TTLL5: variants seen among roughly 807,000 people sequenced by gnomAD.
TTLL5 encodes tubulin tyrosine ligase like 5, also known as tubulin polyglutamylase TTLL5.
Under a neutral mutation model 168.4 loss-of-function variants are expected in TTLL5, and 132 were observed. The observed-to-expected ratio is 0.78, with a 90% CI of 0.68 to 0.91. The LOEUF is 0.91. TTLL5 is among the 40% of genes least tolerant of loss of function. The pLI, the probability that TTLL5 is intolerant of heterozygous loss-of-function variation, is 0.00. For synonymous variants in TTLL5, 546 were observed against 558.6 expected (o/e 0.98, Z 0.32); for missense variants, 1,545 against 1,581.5 (o/e 0.98, Z 0.39).
At chr14:75,800,578 G>A (rs1893242073) in intron 27 of TTLL5, among the ~76,000 whole-genome samples, 1 of 152,096 alleles carries the variant, frequency 6.6e-6, no homozygotes. Context: ...TGTTTTTCCG[G>A]TTCCTTCTCA....
intron 28 of TTLL5, among the ~76,000 whole-genome samples, chr14:75,830,225 G>GAAAAAC (rs769798544): frequency 1.3e-5 from 2 of 152,076 alleles, no homozygotes; most frequent in Non-Finnish European, 1.5e-5. Flanking sequence ...ACCACAATGT[G>GAAAAAC]AAAAACAAAA....
chr14:75,661,938 G>A (rs1195008272), intron 1 of TTLL5, among the ~76,000 whole-genome samples: 5 of 152,100 alleles, frequency 3.3e-5, no homozygotes, highest in Non-Finnish European at 1.5e-5. Context: ...AGGATTGACA[G>A]CAAGTAATTA....
chr14:75,945,349 T>G (rs1428978135), intron 31 of TTLL5, among the ~76,000 whole-genome samples: 1 of 151,678 alleles, frequency 6.6e-6, no homozygotes, highest in Non-Finnish European at 1.5e-5. Flanking sequence ...CTCCACCCAC[T>G]AGGCTCAAGT....
chr14:75,720,543 A>C (rs1366312569), intron 11 of TTLL5, 53 bp from the exon 12 acceptor site: 1 of 1,286,244 alleles, frequency 7.8e-7, no homozygotes, highest in East Asian at 2.3e-5. Context: ...AATCCAGTTC[A>C]TAATCCATGT....
At chr14:75,698,307 G>A (rs898368626) in intron 6 of TTLL5, among the ~76,000 whole-genome samples, 1 of 152,208 alleles carries the variant, frequency 6.6e-6, no homozygotes, top group Non-Finnish European at 1.5e-5. Context: ...GGGATATAAA[G>A]TGTAAAGCTG....
chr14:75,863,397 T>C (rs549657342), intron 28 of TTLL5, among the ~76,000 whole-genome samples: 16 of 152,304 alleles, frequency 1.1e-4, no homozygotes, highest in Non-Finnish European at 2.1e-4. Context: ...TTCAGTTGTT[T>C]TACATCCAGC....
In TTLL5 at chr14:75,807,256, T is replaced by A. The variant is rs534896834; in HGVS notation, c.3172-12751T>A. Among the ~76,000 whole-genome samples the A allele has an allele frequency of 4.6e-5, 7 of 152,222 alleles. No homozygotes were observed. In the South Asian group the frequency reaches 1.2e-3, roughly 27 times the overall value. On this transcript the variant is annotated intron_variant, in intron 27 of 31. Transcript: ENST00000298832. Reference sequence around the variant, plus strand: ...TGAGCTCGGGAGTTCTAGGCCAGCCTGGGGAACATGGCAAAACCCCAACTC... The same window carrying A: ...TGAGCTCGGGAGTTCTAGGCCAGCCAGGGGAACATGGCAAAACCCCAACTC...
chr14:75,940,575 G>C (rs1047282544), intron 31 of TTLL5, among the ~76,000 whole-genome samples: 4 of 152,142 alleles, frequency 2.6e-5, no homozygotes, highest in Admixed American at 6.5e-5. Context: ...ATTGATTTTA[G>C]TCAGCCTTAA....
chr14:75,838,268 G>T (rs1439108525), intron 28 of TTLL5: 1 of 152,026 alleles, frequency 6.6e-6, no homozygotes, highest in East Asian at 1.9e-4. Context: ...GATCTTGGAG[G>T]TGGCGGCTGG....
intron 31 of TTLL5, among the ~76,000 whole-genome samples, chr14:75,921,193 A>G (rs943949842): frequency 2.6e-5 from 4 of 152,162 alleles, no homozygotes; most frequent in African/African-American, 9.6e-5. Flanking sequence ...CACTCTGATG[A>G]TAGTTTCTTT....
chr14:75,703,875 C>A (rs1886456417), intron 7 of TTLL5, among the ~76,000 whole-genome samples: 1 of 152,178 alleles, frequency 6.6e-6, no homozygotes, highest in Non-Finnish European at 1.5e-5. Context: ...GAGAAATTCT[C>A]CTAATTATTA....
rs925654073 is a variant in TTLL5, at chr14:75,727,037, A to G, written c.1043-5301A>G. On this transcript the variant is annotated intron_variant, in intron 12 of 31. Coordinates refer to ENST00000298832, the MANE Select transcript of TTLL5 (RefSeq NM_015072.5). ...ACTGCCTACCTCTATGTGACTGCTA[A>G]GTTTGTTTTTCTAAGAAAAGTATAA... is the stretch of plus-strand genomic sequence containing the variant. Among the ~76,000 whole-genome samples, 3 of 152,148 alleles carry G rather than the reference A, an allele frequency of 2.0e-5. No individual in the cohort carries two copies. The South Asian group carries it at 6.2e-4, about 32-fold the overall frequency.
intron 27 of TTLL5, among the ~76,000 whole-genome samples, chr14:75,801,340 C>T (rs1465932045): frequency 2.6e-5 from 4 of 152,112 alleles, no homozygotes; most frequent in African/African-American, 9.7e-5. Flanking sequence ...CACCCATTTC[C>T]CACGCAGCCA....
chr14:75,709,164 G>A (rs1401780896), intron 9 of TTLL5: 1 of 759,778 alleles, frequency 1.3e-6, no homozygotes, highest in Non-Finnish European at 2.4e-6. Context: ...GTCTGTGTAT[G>A]TTTCTGTATT....
chr14:75,669,911 C>G (rs952087591), intron 3 of TTLL5, among the ~76,000 whole-genome samples: 2 of 152,138 alleles, frequency 1.3e-5, no homozygotes, highest in African/African-American at 4.8e-5. Flanking sequence ...GCAGATATCC[C>G]CAGCCCCCAT....
intron 9 of TTLL5, 91 bp from the exon 10 acceptor site, chr14:75,717,770 C>G (rs939513148): frequency 4.2e-6 from 5 of 1,197,928 alleles, no homozygotes; most frequent in Non-Finnish European, 6.0e-6. Context: ...TGATATTACC[C>G]TCCTTTATTA....
At chr14:75,758,288 T>G (rs1216959948) in intron 18 of TTLL5, among the ~76,000 whole-genome samples, 1 of 152,156 alleles carries the variant, frequency 6.6e-6, no homozygotes, top group Non-Finnish European at 1.5e-5. Context: ...GGACTTTCAT[T>G]TAGGCAGAGA....
At chr14:75,772,736 C>A (rs1891421110) in intron 21 of TTLL5, among the ~76,000 whole-genome samples, 1 of 150,982 alleles carries the variant, frequency 6.6e-6, no homozygotes, top group African/African-American at 2.4e-5. Flanking sequence ...GGTGCGATCT[C>A]AGCTCACTGC....
intron 18 of TTLL5, among the ~76,000 whole-genome samples, chr14:75,760,956 C>T (rs1411317430): frequency 1.3e-5 from 2 of 152,044 alleles, no homozygotes; most frequent in Non-Finnish European, 2.9e-5. Context: ...TGGCAAGCCA[C>T]TGACTGAGTG....
Sources: gnomAD v4.1 joint callset for allele counts (sites outside exome capture counted in the v4.1 genomes callset) on GRCh38, gnomAD v4.1.1 for gene constraint, MANE v1.5 for transcripts, NCBI Gene and HGNC (gene_info 2026-07-23, HGNC 2026-07-21) for gene names.